LIPA: variants seen among roughly 807,000 people sequenced by gnomAD.
LIPA encodes the protein lipase A, lysosomal acid type.
A neutral mutation model predicts 40.6 loss-of-function variants in LIPA; 26 were observed. That is an observed-to-expected ratio of 0.64 (90% CI 0.47 to 0.89). The LOEUF is 0.89. Ranked by LOEUF, LIPA falls within the 40% of genes least tolerant of loss-of-function variation. The probability of loss-of-function intolerance (pLI) is 0.00; values close to 1 mark genes in which losing one functional copy is unlikely to be tolerated. For missense variants in LIPA, 455 were observed against 479.6 expected, an observed-to-expected ratio of 0.95 and a Z score of 0.48; for synonymous variants, 188 against 168.4, an observed-to-expected ratio of 1.12 and a Z score of -0.90.
intron 2 of LIPA, chr10:89,383,699 C>T (rs759598005): frequency 6.2e-7 from 1 of 1,614,226 alleles, no homozygotes; most frequent in Non-Finnish European, 8.5e-7. Flanking sequence ...AAGAAGTTTG[C>T]AAATCCTTCC....
At chr10:89,222,426 CTT>C (rs1479330249) in intron 8 of LIPA, 83 bp downstream of exon 8, 1 of 862,640 alleles carries the variant, frequency 1.2e-6, no homozygotes, top group East Asian at 2.4e-5. Flanking sequence ...AGCAGGTTGT[CTT>C]TCTATTTGGA....
At chr10:89,359,935 C>G (rs1275499662) in intron 2 of LIPA, among the ~76,000 whole-genome samples, 1 of 152,080 alleles carries the variant, frequency 6.6e-6, no homozygotes, top group Non-Finnish European at 1.5e-5. Context: ...GCCTTGATCT[C>G]TTATTGCGTT....
intron 8 of LIPA, among the ~76,000 whole-genome samples, chr10:89,219,258 C>T (rs188546747): frequency 0.011 from 1,626 of 152,174 alleles, 18 homozygotes; most frequent in Non-Finnish European, 0.017. Flanking sequence ...TTCAGAGTCT[C>T]CACAGGTCTC....
At chr10:89,348,453 T>C (rs1843938045) in intron 2 of LIPA, among the ~76,000 whole-genome samples, 2 of 152,218 alleles carry the variant, frequency 1.3e-5, no homozygotes, top group African/African-American at 4.8e-5. Flanking sequence ...AACATTTTCA[T>C]GCAATTTAAG....
intron 1 of LIPA, among the ~76,000 whole-genome samples, chr10:89,320,226 G>A (rs1253009687): frequency 6.6e-6 from 1 of 152,168 alleles, no homozygotes; most frequent in Admixed American, 6.5e-5. Context: ...AGGGCAATCA[G>A]GCAGGAGAAA....
chr10:89,304,780 T>C (rs12763676), intron 1 of LIPA, among the ~76,000 whole-genome samples: 1 of 152,110 alleles, frequency 6.6e-6, no homozygotes, highest in Non-Finnish European at 1.5e-5. Flanking sequence ...TTTTGTTTTG[T>C]TTTTTGGTTT....
chr10:89,345,988 T>C (rs752223351), upstream of LIPA, among the ~76,000 whole-genome samples: 5 of 152,138 alleles, frequency 3.3e-5, no homozygotes, highest in Non-Finnish European at 5.9e-5. Context: ...CCTAAAAACA[T>C]AGTAGTATCT....
At chr10:89,369,565 G>A (rs1183073776) in intron 2 of LIPA, among the ~76,000 whole-genome samples, 1 of 152,160 alleles carries the variant, frequency 6.6e-6, no homozygotes, top group Non-Finnish European at 1.5e-5. Flanking sequence ...ACTTCAAAAA[G>A]TTCATGAAAT....
intron 1 of LIPA, among the ~76,000 whole-genome samples, chr10:89,304,162 A>G (rs1843463000): frequency 6.6e-6 from 1 of 152,166 alleles, no homozygotes; most frequent in Non-Finnish European, 1.5e-5. Context: ...AGGATGGAAA[A>G]TAGGCAGGAG....
At chr10:89,383,287 A>C in intron 2 of LIPA, 1 of 1,566,570 alleles carries the variant, frequency 6.4e-7, no homozygotes, top group Non-Finnish European at 8.7e-7. Flanking sequence ...ATACTTTCTC[A>C]AAATGTAATT....
chr10:89,303,827 A>T (rs1843460961), intron 1 of LIPA, among the ~76,000 whole-genome samples: 1 of 152,236 alleles, frequency 6.6e-6, no homozygotes, highest in Non-Finnish European at 1.5e-5. Flanking sequence ...AGAGGGAGCA[A>T]GGAAGCTATA....
At chr10:89,316,998 CTG>C (rs1352397076) in intron 1 of LIPA, among the ~76,000 whole-genome samples, 2 of 152,206 alleles carry the variant, frequency 1.3e-5, no homozygotes, top group African/African-American at 4.8e-5. Context: ...GCTGAGGGTC[CTG>C]ACTGTTAGAA....
At chr10:89,353,682 A>C (rs1348246299) in intron 2 of LIPA, among the ~76,000 whole-genome samples, 1 of 152,140 alleles carries the variant, frequency 6.6e-6, no homozygotes, top group Non-Finnish European at 1.5e-5. Flanking sequence ...TTCAAGGTCA[A>C]GAATATAAAG....
At chr10:89,334,395 G>A (rs1397121673) in intron 1 of LIPA, among the ~76,000 whole-genome samples, 1 of 150,448 alleles carries the variant, frequency 6.6e-6, no homozygotes, top group Non-Finnish European at 1.5e-5. Context: ...TCTACTAGAT[G>A]CAGATCCAGG....
At chr10:89,328,206 G>GCCTCAAGTAAAT in intron 1 of LIPA, 1 of 973,460 alleles carries the variant, frequency 1.0e-6, no homozygotes, top group Non-Finnish European at 1.6e-6. Context: ...TTATCAGTCT[G>GCCTCAAGTAAAT]AGCATTTGTA....
intron 1 of LIPA, among the ~76,000 whole-genome samples, chr10:89,298,334 C>T (rs1048555805): frequency 6.6e-6 from 1 of 152,202 alleles, no homozygotes; most frequent in Admixed American, 6.5e-5. Flanking sequence ...CACATGGCAA[C>T]CCTGTTCCCA....
chr10:89,368,591 T>C (rs1293598584), intron 2 of LIPA, among the ~76,000 whole-genome samples: 3 of 152,224 alleles, frequency 2.0e-5, no homozygotes, highest in East Asian at 1.9e-4. Flanking sequence ...AGAAAATATA[T>C]ACATATTTAA....
At chr10:89,402,328 G>A in intron 2 of LIPA, 1 of 1,614,030 alleles carries the variant, frequency 6.2e-7, no homozygotes, top group Non-Finnish European at 8.5e-7. Context: ...GAGCAATTGA[G>A]ATGTCACTTT....
chr10:89,301,888 G>A (rs1219211216), intron 1 of LIPA: 5 of 426,050 alleles, frequency 1.2e-5, no homozygotes, highest in Admixed American at 7.7e-5. Context: ...GGAGGAAAAA[G>A]AGTCCTCTAA....
Sources: gnomAD v4.1 joint callset for allele counts (sites outside exome capture counted in the v4.1 genomes callset) on GRCh38, gnomAD v4.1.1 for gene constraint, MANE v1.5 for transcripts, NCBI Gene and HGNC (gene_info 2026-07-23, HGNC 2026-07-21) for gene names.